PEBP4: variants seen among roughly 807,000 people sequenced by gnomAD.
The protein encoded by PEBP4 is phosphatidylethanolamine binding protein 4.
A neutral mutation model predicts 23.9 loss-of-function variants in PEBP4; 22 were observed. That is an observed-to-expected ratio of 0.92 (90% CI 0.66 to 1.31). The LOEUF (loss-of-function observed/expected upper bound fraction) is 1.31. Among genes scored for constraint, PEBP4 ranks in the 40% most tolerant of loss-of-function variants. The pLI is 0.00. For synonymous variants in PEBP4, 112 were observed against 99.3 expected (o/e 1.13, Z -0.76); for missense variants, 324 against 281.7 (o/e 1.15, Z -1.07).
chr8:22,883,968 T>C (rs1004644741), intron 3 of PEBP4: 1 of 152,140 alleles, frequency 6.6e-6, no homozygotes, highest in East Asian at 1.9e-4. Flanking sequence ...GGTTCACACA[T>C]ATTTATGTTG....
chr8:22,756,521 C>A (rs1805385848), intron 4 of PEBP4, among the ~76,000 whole-genome samples: 1 of 152,040 alleles, frequency 6.6e-6, no homozygotes, highest in Non-Finnish European at 1.5e-5. Context: ...GCCCCACCAA[C>A]CTCCACCACT....
chr8:22,717,513 A>G (rs1804439317), intron 6 of PEBP4, among the ~76,000 whole-genome samples: 2 of 152,044 alleles, frequency 1.3e-5, no homozygotes, highest in South Asian at 4.1e-4. Flanking sequence ...AAGCTGAGGG[A>G]GGGAGGCTCC....
At position 22,823,535 on chromosome 8, in the gene PEBP4, ATATC is replaced by A. The variant is rs1382045695; in HGVS notation, c.259-5804_259-5801del. ...TCTCAAATGTGCAGGAAAACTTTATATATCTAACTATATATATATATCTTTATAG... is the reference window on the plus strand; with the variant it reads ...TCTCAAATGTGCAGGAAAACTTTATATAACTATATATATATATCTTTATAG... On this transcript the variant is annotated intron_variant, in intron 3 of 6. Transcript: ENST00000256404. Among the ~76,000 whole-genome samples, 5 of 151,882 alleles carry A rather than the reference ATATC, an allele frequency of 3.3e-5. 1 individual carries two copies. Among genetic ancestry groups the A allele is most frequent in the Non-Finnish European group, 7.4e-5 (5 of 67,852 alleles).
chr8:22,792,459 G>A (rs575438104), intron 4 of PEBP4, among the ~76,000 whole-genome samples: 1 of 151,950 alleles, frequency 6.6e-6, no homozygotes, highest in South Asian at 2.1e-4. Context: ...CAGTGGTATC[G>A]GTCCGTGTCC....
chr8:22,919,150 T>G (rs1809146010), intron 3 of PEBP4, among the ~76,000 whole-genome samples: 1 of 152,234 alleles, frequency 6.6e-6, no homozygotes, highest in South Asian at 2.1e-4. Flanking sequence ...TGCCGCCCTC[T>G]GGAGCTTGTT....
chr8:22,909,874 G>A (rs761495199), intron 3 of PEBP4, among the ~76,000 whole-genome samples: 3 of 152,342 alleles, frequency 2.0e-5, no homozygotes, highest in Non-Finnish European at 2.9e-5. Flanking sequence ...GCCTGGCCAC[G>A]TGGAGAATGG....
intron 4 of PEBP4, among the ~76,000 whole-genome samples, chr8:22,789,042 T>C (rs764601409): frequency 2.0e-5 from 3 of 152,232 alleles, no homozygotes; most frequent in African/African-American, 7.2e-5. Context: ...GCAGGCTACA[T>C]TGCAGAATGT....
chr8:22,940,257 A>T (rs1485626792), intron 1 of PEBP4, among the ~76,000 whole-genome samples: 1 of 152,202 alleles, frequency 6.6e-6, no homozygotes, highest in Non-Finnish European at 1.5e-5. Flanking sequence ...AACTCACTAC[A>T]TCTGTCAGAA....
At chr8:22,924,179 A>G (rs1809273936) in intron 2 of PEBP4, among the ~76,000 whole-genome samples, 1 of 152,084 alleles carries the variant, frequency 6.6e-6, no homozygotes, top group Admixed American at 6.6e-5. Flanking sequence ...CCTGGACTAC[A>G]TACCGAGACT....
chr8:22,806,262 C>T (rs1386302213), intron 4 of PEBP4, among the ~76,000 whole-genome samples: 1 of 152,126 alleles, frequency 6.6e-6, no homozygotes, highest in African/African-American at 2.4e-5. Context: ...TGTTACCCAT[C>T]GTATTAGCTA....
At chr8:22,887,756 CAAA>C (rs1445891482) in intron 3 of PEBP4, 1 of 152,118 alleles carries the variant, frequency 6.6e-6, no homozygotes, top group African/African-American at 2.4e-5. Flanking sequence ...AAGACCATCT[CAAA>C]GAACGTATTT....
intron 4 of PEBP4, among the ~76,000 whole-genome samples, chr8:22,750,211 C>T (rs1006670955): frequency 5.3e-5 from 8 of 152,216 alleles, no homozygotes; most frequent in Middle Eastern, 3.4e-3. Flanking sequence ...AAGCAATTCT[C>T]CTGCCTCAGC....
At chr8:22,914,565 C>T (rs17757237) in intron 3 of PEBP4, among the ~76,000 whole-genome samples, 28,051 of 152,138 alleles carry the variant, frequency 0.18, 2,752 homozygotes, top group East Asian at 0.25. Flanking sequence ...TAAGGCAGTG[C>T]GTGCGTTTCC....
At chr8:22,933,593 G>C (rs1469785016) in intron 1 of PEBP4, among the ~76,000 whole-genome samples, 2 of 152,146 alleles carry the variant, frequency 1.3e-5, no homozygotes, top group African/African-American at 4.8e-5. Flanking sequence ...ATTAGTAAGA[G>C]AGAAATTAAG....
intron 3 of PEBP4, among the ~76,000 whole-genome samples, chr8:22,835,041 G>T (rs1807172777): frequency 6.6e-6 from 1 of 152,122 alleles, no homozygotes; most frequent in Admixed American, 6.5e-5. Flanking sequence ...GCCAGAGGCT[G>T]GTCTCCAGAA....
intron 4 of PEBP4, among the ~76,000 whole-genome samples, chr8:22,730,343 A>C (rs7823380): frequency 0.18 from 26,923 of 152,152 alleles, 2,560 homozygotes; most frequent in Middle Eastern, 0.22. Flanking sequence ...TTGAGACCGA[A>C]CAGTTTAGGC....
intron 3 of PEBP4, among the ~76,000 whole-genome samples, chr8:22,911,102 G>A (rs1177729667): frequency 6.6e-6 from 1 of 152,100 alleles, no homozygotes; most frequent in Admixed American, 6.6e-5. Context: ...ACCTAAGACT[G>A]CTCTAAAACA....
At chr8:22,841,264 C>G (rs1396810174) in intron 3 of PEBP4, among the ~76,000 whole-genome samples, 1 of 152,278 alleles carries the variant, frequency 6.6e-6, no homozygotes, top group African/African-American at 2.4e-5. Flanking sequence ...TTCTGTGGCC[C>G]TTTGAGGGGG....
At chr8:22,811,408 C>T (rs551292664) in intron 4 of PEBP4, among the ~76,000 whole-genome samples, 6 of 152,278 alleles carry the variant, frequency 3.9e-5, no homozygotes, top group East Asian at 1.9e-4. Context: ...GATAATATTC[C>T]GCTTTGTAGC....
Sources: allele counts gnomAD v4.1 joint callset (sites outside exome capture counted in the v4.1 genomes callset), GRCh38; gene constraint gnomAD v4.1.1; transcripts MANE v1.5; gene names NCBI Gene and HGNC (gene_info 2026-07-23, HGNC 2026-07-21).